AJUBA: variants seen among roughly 807,000 people sequenced by gnomAD.
AJUBA encodes the protein ajuba LIM protein, also known as LIM domain-containing protein ajuba.
In AJUBA, 20 loss-of-function variants were observed where a neutral mutation model predicts 53.3. That is an observed-to-expected ratio of 0.38 (90% CI 0.26 to 0.55). The LOEUF is 0.55. Among genes scored for constraint, AJUBA ranks in the 20% least tolerant of loss-of-function variants. The probability of loss-of-function intolerance (pLI) is 0.80; values close to 1 mark genes in which losing one functional copy is unlikely to be tolerated. For synonymous variants in AJUBA, 296 were observed against 306.2 expected, an observed-to-expected ratio of 0.97 and a Z score of 0.35; for missense variants, 580 against 730.5, an observed-to-expected ratio of 0.79 and a Z score of 2.38.
intron 3 of AJUBA, 47 bp from the exon 4 acceptor site, chr14:22,976,565 T>C (rs764059293): frequency 6.2e-7 from 1 of 1,613,202 alleles, no homozygotes; most frequent in African/African-American, 1.3e-5. Flanking sequence ...AAACTGAGAA[T>C]GATGGGTGGT....
rs762918594 is a variant in AJUBA, at chr14:22,981,800, C to T, written c.467G>A (p.Arg156Gln). ...GCCGCTGGTGCGATTGCTGCAGGGCCGGCTACCTCCAGCTCCGCCAGCCCC... is the reference window on the plus strand; with the variant it reads ...GCCGCTGGTGCGATTGCTGCAGGGCTGGCTACCTCCAGCTCCGCCAGCCCC... ...GAGAGGAGGS[R>Q]PCSNRTSGIS... The change falls in exon 1 of 8, where the codon CGG becomes CAG. Residue 156 changes from arginine (R) to glutamine (Q), a missense_variant. By Grantham distance (43) the Arg-to-Gln change is conservative. Transcript: ENST00000262713. 1 of 1,533,818 alleles carries T rather than the reference C, an allele frequency of 6.5e-7. No homozygotes were observed. The highest frequency in any genetic ancestry group is 8.7e-7 in the Non-Finnish European group (1 of 1,146,216).
chr14:22,976,312 C>A, intron 4 of AJUBA, 144 bp downstream of exon 4: 1 of 899,244 alleles, frequency 1.1e-6, no homozygotes, highest in Non-Finnish European at 1.8e-6. Context: ...CCACTGTAAA[C>A]AGTTGCTCTG....
intron 4 of AJUBA, among the ~76,000 whole-genome samples, chr14:22,976,148 CAAA>C (rs1214094875): frequency 8.4e-5 from 7 of 83,392 alleles, no homozygotes; most frequent in African/African-American, 1.3e-4. Flanking sequence ...GACTCTGTCT[CAAA>C]AAAAAAAAAA....
intron 1 of AJUBA, among the ~76,000 whole-genome samples, chr14:22,980,126 T>C (rs1381322817): frequency 6.6e-6 from 1 of 152,222 alleles, no homozygotes; most frequent in East Asian, 1.9e-4. Flanking sequence ...CATAGAGTTC[T>C]ACAGCATGGG....
At chr14:22,978,136 C>T (rs1594565408) in intron 2 of AJUBA, among the ~76,000 whole-genome samples, 1 of 152,002 alleles carries the variant, frequency 6.6e-6, no homozygotes, top group Admixed American at 6.6e-5. Flanking sequence ...GAAAGGGGAC[C>T]CACCAGGCGG....
chr14:22,978,243 G>T, intron 2 of AJUBA, 101 bp downstream of exon 2: 1 of 1,144,892 alleles, frequency 8.7e-7, no homozygotes, highest in Non-Finnish European at 1.3e-6. Context: ...TGCTCTGTGA[G>T]CAAATGAAGA....
In AJUBA at chr14:22,973,289, A is replaced by G. The variant is rs1487570257; in HGVS notation, c.*154T>C. On this transcript the variant is annotated 3_prime_UTR_variant, in exon 8 of 8. Coordinates refer to ENST00000262713, the MANE Select transcript of AJUBA (RefSeq NM_032876.6). ...TTCTCTTCCACAATCCATTTGGAAT[A>G]TCATGATCTTTGGGTCTCCGGCCCT... 8 of 1,136,350 alleles carry G rather than the reference A, an allele frequency of 7.0e-6. No individual in the cohort carries two copies. The highest frequency in any genetic ancestry group is 2.4e-6 in the Non-Finnish European group (2 of 817,410). 70.4% of individuals were successfully genotyped at this position (1,136,350 alleles called of 1,614,324 possible).
chr14:22,977,288 T>G, intron 2 of AJUBA: 1 of 866,976 alleles, frequency 1.2e-6, no homozygotes, highest in Non-Finnish European at 1.4e-6. Flanking sequence ...TGTATAAGGC[T>G]GCTTCCCTAA....
intron 4 of AJUBA, among the ~76,000 whole-genome samples, chr14:22,976,086 C>T (rs2045033131): frequency 1.4e-5 from 2 of 146,126 alleles, no homozygotes; most frequent in African/African-American, 2.6e-5. Flanking sequence ...TCACTTGAAC[C>T]TGGGAGGCGG....
chr14:22,976,899 T>G, intron 2 of AJUBA, 187 bp from the exon 3 acceptor site: 1 of 1,412,536 alleles, frequency 7.1e-7, no homozygotes, highest in South Asian at 1.6e-5. Context: ...TTGGCTTCAT[T>G]CCAGCCAACT....
At chr14:22,976,252 T>G (rs552350111) in intron 4 of AJUBA, among the ~76,000 whole-genome samples, 1 of 151,658 alleles carries the variant, frequency 6.6e-6, no homozygotes, top group South Asian at 2.1e-4. Flanking sequence ...CATAGAAGCC[T>G]GGGTTGACAG....
chr14:22,975,138 C>T (rs199808733), intron 4 of AJUBA, 34 bp from the exon 5 acceptor site: 83 of 1,596,334 alleles, frequency 5.2e-5, no homozygotes, highest in Non-Finnish European at 6.8e-5. Context: ...ATCAGTCTCC[C>T]TCCAGTCCCA....
At chr14:22,975,578 T>A (rs2045026539) in intron 4 of AJUBA, 1 of 155,658 alleles carries the variant, frequency 6.4e-6, no homozygotes. Flanking sequence ...GACTCAGGAC[T>A]GGCCGGGCGC....
chr14:22,979,017 G>C lies in AJUBA; in HGVS notation c.1007-572C>G. ...CTTGGCAGAGGGCTCCGTGCAGAGG[G>C]GACCATGTGAGCATGATTCCTGTGG... is the stretch of plus-strand genomic sequence containing the variant. On this transcript the variant is annotated intron_variant, in intron 1 of 7. Coordinates refer to ENST00000262713, the MANE Select transcript of AJUBA (RefSeq NM_032876.6). This position sits in a 1 kb window ranked among gnomAD's most constrained non-coding sequence, Gnocchi z 4.0. The C allele has an allele frequency of 7.8e-7, 1 of 1,289,138 alleles. No homozygotes were observed. The highest frequency in any genetic ancestry group is 1.0e-6 in the Non-Finnish European group (1 of 988,674). 79.9% of individuals were successfully genotyped at this position (1,289,138 alleles called of 1,614,324 possible). A position where few individuals can be genotyped will look rare whatever the true frequency, so the allele number is the denominator to read the frequency against.
In AJUBA at chr14:22,980,646, C is replaced by A. The variant is rs530924801; in HGVS notation, c.1006+615G>T. 9 of 985,300 alleles carry A rather than the reference C, an allele frequency of 9.1e-6. No individual in the cohort carries two copies. The East Asian group carries it at 9.1e-4, about 100-fold the overall frequency. 61.0% of individuals were successfully genotyped at this position (985,300 alleles called of 1,614,324 possible). On this transcript the variant is annotated intron_variant, in intron 1 of 7. Coordinates refer to ENST00000262713, the MANE Select transcript of AJUBA (RefSeq NM_032876.6). ...GAGGGACAGCAGTTGGGTCCCAGGG[C>A]GCTCCATCCTGTCTCCCAGGCTCCA...
rs528375709 is a variant in AJUBA at position 22,981,639 on chromosome 14, C to T, written c.628G>A (p.Ala210Thr). ...CGCTGAGCGTACAATCGGTCCAGGG[C>T]GGCGTGGAGCTCCGGGTAGGCGGAC... ...VPSAYPELHA[A>T]LDRLYAQRPA... Residue 210 changes from alanine to threonine, a missense_variant, in exon 1 of 8, where the codon GCC (alanine) becomes ACC (threonine). Ala to Thr is a moderately conservative substitution (Grantham distance 58). This residue lies in a region of AJUBA where 430 missense variants were observed against 471.5 expected (regional missense o/e 0.91). Coordinates refer to ENST00000262713, the MANE Select transcript of AJUBA (RefSeq NM_032876.6). The T allele has an allele frequency of 6.3e-5, 96 of 1,518,338 alleles. No individual in the cohort carries two copies. Among genetic ancestry groups the T allele is most frequent in the Non-Finnish European group, 7.0e-5 (79 of 1,135,412 alleles). 94.1% of individuals were successfully genotyped at this position (1,518,338 alleles called of 1,614,324 possible).
At position 22,971,531 on chromosome 14, in the gene AJUBA, C is replaced by T. The variant is rs1376703206; in HGVS notation, c.*1912G>A. 1 of 152,204 alleles carries T rather than the reference C, an allele frequency of 6.6e-6. No homozygotes were observed. The highest frequency in any genetic ancestry group is 1.5e-5 in the Non-Finnish European group (1 of 68,040). The allele number at this position is 152,204 out of a possible 1,614,324, so 9.4% of individuals were successfully genotyped here. A position where few individuals can be genotyped will look rare whatever the true frequency, so the allele number is the denominator to read the frequency against. On this transcript the variant is annotated 3_prime_UTR_variant, in exon 8 of 8. Coordinates refer to ENST00000262713, the MANE Select transcript of AJUBA (RefSeq NM_032876.6). The stretch of plus-strand genomic sequence containing the variant: ...TTGCCTAAAACCAATTCACCTAAAA[C>T]CAATTAGTCTAAAATAAATATTTAT...
Position 22,979,105 on chromosome 14 carries a change from A to T in AJUBA, c.1007-660T>A. The T allele has an allele frequency of 7.8e-7, 1 of 1,277,098 alleles. No individual in the cohort carries two copies. Among genetic ancestry groups the T allele is most frequent in the Non-Finnish European group, 1.0e-6 (1 of 983,116 alleles). 79.1% of individuals were successfully genotyped at this position (1,277,098 alleles called of 1,614,324 possible). On this transcript the variant is annotated intron_variant, in intron 1 of 7. Transcript: ENST00000262713. This position sits in a 1 kb window ranked among gnomAD's most constrained non-coding sequence, Gnocchi z 4.0. ...ACCAGGGTTGAACAGGAAAGCAGGG[A>T]GAGTAGCAGAGCCCCTGATGCCTCC...
chr14:22,973,609 T>G, intron 7 of AJUBA, 41 bp from the exon 8 acceptor site: 3 of 1,610,786 alleles, frequency 1.9e-6, no homozygotes, highest in East Asian at 4.5e-5. Context: ...CCTAGGCACC[T>G]TGGACACTGA....
Sources: allele counts gnomAD v4.1 joint callset (sites outside exome capture counted in the v4.1 genomes callset), GRCh38; gene constraint gnomAD v4.1.1; regional missense constraint gnomAD v4.1.1; non-coding constraint Gnocchi (gnomAD v3.1); transcripts MANE v1.5; gene names NCBI Gene and HGNC (gene_info 2026-07-23, HGNC 2026-07-21).